The following IFFO2 variants were observed in gnomAD, a reference collection of about 807,000 sequenced individuals.
The protein encoded by IFFO2 is intermediate filament family orphan 2.
IFFO2 carries 19 observed loss-of-function variants against 53.5 expected under a neutral mutation model. That is an observed-to-expected ratio of 0.36 (90% CI 0.25 to 0.52). IFFO2 has a LOEUF of 0.52. Among genes scored for constraint, IFFO2 ranks in the 20% least tolerant of loss-of-function variants. The pLI is 0.94. For missense variants in IFFO2, 570 were observed against 727.4 expected (o/e 0.78, Z 2.49); for synonymous variants, 303 against 313.6 (o/e 0.97, Z 0.36).
intron 1 of IFFO2, among the ~76,000 whole-genome samples, chr1:18,937,855 A>G (rs1025872332): frequency 1.3e-5 from 2 of 152,206 alleles, no homozygotes; most frequent in African/African-American, 4.8e-5. Flanking sequence ...GCTGCCGAGC[A>G]CCCCACACAT....
chr1:18,945,925 G>C (rs1936581844), intron 1 of IFFO2, among the ~76,000 whole-genome samples: 1 of 152,258 alleles, frequency 6.6e-6, no homozygotes, highest in African/African-American at 2.4e-5. Context: ...TCTCAGAGCT[G>C]ACAGGCAGCA....
intron 1 of IFFO2, among the ~76,000 whole-genome samples, chr1:18,954,029 A>G (rs1201708147): frequency 6.6e-6 from 1 of 152,204 alleles, no homozygotes; most frequent in Non-Finnish European, 1.5e-5. Context: ...GCCTGCCCCA[A>G]TGACATTGAC....
At chr1:18,953,418 A>T (rs1339980192) in intron 1 of IFFO2, among the ~76,000 whole-genome samples, 1 of 152,224 alleles carries the variant, frequency 6.6e-6, no homozygotes, top group Non-Finnish European at 1.5e-5. Context: ...CCAGTGAGTT[A>T]ATATTAAGAA....
chr1:18,954,022 T>G (rs1290016506), intron 1 of IFFO2, among the ~76,000 whole-genome samples: 1 of 152,218 alleles, frequency 6.6e-6, no homozygotes, highest in Non-Finnish European at 1.5e-5. Flanking sequence ...TTCCCTAGCC[T>G]GCCCCAATGA....
rs1935984055 is a variant in IFFO2, at chr1:18,908,462, T to C, written c.*99A>G. On this transcript the variant is annotated 3_prime_UTR_variant, in exon 9 of 9. Transcript: ENST00000455833. ...GGGAGGGCAGAGAAAGTCTGTGTGG[T>C]GTGGCTTCGAACCCCACTCCGAGGG... 2.5e-6 allele frequency: 2 copies of C among 803,658 alleles called. No individual in the cohort carries two copies. Among genetic ancestry groups the C allele is most frequent in the Non-Finnish European group, 4.2e-6 (2 of 472,604 alleles). 49.8% of individuals were successfully genotyped at this position (803,658 alleles called of 1,614,324 possible).
intron 1 of IFFO2, among the ~76,000 whole-genome samples, chr1:18,925,758 TTGGATGGA>T (rs1159913704): frequency 5.3e-5 from 8 of 150,774 alleles, no homozygotes; most frequent in Admixed American, 1.3e-4. Flanking sequence ...AATGGATTGG[TTGGATGGA>T]TGGATGGATG....
At chr1:18,930,282 G>A (rs578204132) in intron 1 of IFFO2, among the ~76,000 whole-genome samples, 12 of 152,228 alleles carry the variant, frequency 7.9e-5, no homozygotes, top group Non-Finnish European at 1.6e-4. Flanking sequence ...TGCTCAGAGA[G>A]GTGGGGAGAG....
chr1:18,911,849 A>T, intron 6 of IFFO2, 114 bp downstream of exon 6: 1 of 1,347,180 alleles, frequency 7.4e-7, no homozygotes, highest in Non-Finnish European at 1.0e-6. Flanking sequence ...CAAAGGGGAC[A>T]GTTTAGCTGT....
At chr1:18,939,185 C>T (rs921410312) in intron 1 of IFFO2, among the ~76,000 whole-genome samples, 5 of 152,308 alleles carry the variant, frequency 3.3e-5, no homozygotes, top group African/African-American at 1.2e-4. Flanking sequence ...TGAGGGCAGC[C>T]CAGGACCGCC....
intron 1 of IFFO2, among the ~76,000 whole-genome samples, chr1:18,939,800 C>T (rs928237463): frequency 3.3e-5 from 5 of 152,182 alleles, no homozygotes; most frequent in Admixed American, 6.5e-5. Context: ...CAGTAGGGAT[C>T]ATGGTTAGAC....
intron 1 of IFFO2, among the ~76,000 whole-genome samples, chr1:18,953,326 T>C (rs1408310413): frequency 6.6e-6 from 1 of 152,188 alleles, no homozygotes; most frequent in Non-Finnish European, 1.5e-5. Context: ...AAAATGTTTA[T>C]CAAATGTCTG....
At chr1:18,927,585 C>G (rs1038578722) in intron 1 of IFFO2, among the ~76,000 whole-genome samples, 3 of 152,240 alleles carry the variant, frequency 2.0e-5, no homozygotes, top group Admixed American at 2.0e-4. Flanking sequence ...CTCAGCTCTG[C>G]GCTGCCCTAG....
intron 1 of IFFO2, among the ~76,000 whole-genome samples, chr1:18,953,978 C>T (rs1263726516): frequency 6.6e-6 from 1 of 152,230 alleles, no homozygotes; most frequent in African/African-American, 2.4e-5. Context: ...CGGCCCATCC[C>T]TCCCCAGTTT....
chr1:18,915,027 C>T (rs1936110865), intron 5 of IFFO2, among the ~76,000 whole-genome samples: 1 of 152,100 alleles, frequency 6.6e-6, no homozygotes, highest in African/African-American at 2.4e-5. Context: ...CTGTCCCCAC[C>T]CAGTTCCAAC....
At chr1:18,924,329 G>A (rs1936253384) in intron 1 of IFFO2, among the ~76,000 whole-genome samples, 1 of 152,104 alleles carries the variant, frequency 6.6e-6, no homozygotes, top group South Asian at 2.1e-4. Flanking sequence ...CAAGTTGCTG[G>A]CACAGAGATT....
chr1:18,933,990 T>C (rs1224538175), intron 1 of IFFO2, among the ~76,000 whole-genome samples: 1 of 150,890 alleles, frequency 6.6e-6, no homozygotes, highest in African/African-American at 2.4e-5. Context: ...ATTCGACTTC[T>C]GGGTACTTTG....
chr1:18,911,908 C>T lies in IFFO2; in HGVS notation c.1224+55G>A, dbSNP rs202081563. The T allele has an allele frequency of 3.4e-4, 519 of 1,541,272 alleles. 1 individual carries two copies. Among genetic ancestry groups the T allele is most frequent in the Non-Finnish European group, 3.8e-4 (433 of 1,140,502 alleles). On this transcript the variant is annotated intron_variant, in intron 6 of 8. Coordinates refer to ENST00000455833, the MANE Select transcript of IFFO2 (RefSeq NM_001136265.2). ...ACAGGGATGAGGGACCATTGAAAGG[C>T]GGTGTCCCCCAGACCCCTAGTCCTG...
chr1:18,927,343 G>A (rs1241602045), intron 1 of IFFO2, among the ~76,000 whole-genome samples: 1 of 139,410 alleles, frequency 7.2e-6, no homozygotes, highest in Admixed American at 7.2e-5. Flanking sequence ...AGGCTGGGCT[G>A]GAGCCCTCAG....
chr1:18,948,744 C>T (rs184778680), intron 1 of IFFO2, among the ~76,000 whole-genome samples: 5 of 152,340 alleles, frequency 3.3e-5, no homozygotes, highest in Non-Finnish European at 7.3e-5. Flanking sequence ...GCAAAGGGCA[C>T]GGGACACCCT....
Sources: gnomAD v4.1 joint callset for allele counts (sites outside exome capture counted in the v4.1 genomes callset) on GRCh38, gnomAD v4.1.1 for gene constraint, MANE v1.5 for transcripts, NCBI Gene and HGNC (gene_info 2026-07-23, HGNC 2026-07-21) for gene names.